Variants in ICA1 observed in about 807,000 individuals in gnomAD.
ICA1 encodes the protein 69 kDa islet cell autoantigen.
ICA1 carries 40 observed loss-of-function variants against 71.0 expected under a neutral mutation model. The ratio of observed to expected loss-of-function variants is 0.56; its 90% CI spans 0.44 to 0.73. The LOEUF (loss-of-function observed/expected upper bound fraction) is 0.73. Among genes scored for constraint, ICA1 ranks in the 30% least tolerant of loss-of-function variants. The probability of loss-of-function intolerance (pLI) is 0.00; values close to 1 mark genes in which losing one functional copy is unlikely to be tolerated. For synonymous variants in ICA1, 207 were observed against 209.5 expected (o/e 0.99, Z 0.10); for missense variants, 578 against 576.5 (o/e 1.00, Z -0.03).
chr7:8,152,520 A>C, intron 8 of ICA1, among the ~76,000 whole-genome samples: 2 of 144,016 alleles, frequency 1.4e-5, no homozygotes, highest in Non-Finnish European at 3.1e-5. Flanking sequence ...ACTACCACTC[A>C]CCTCTTTCAC....
rs1790035397 is a variant in ICA1, at chr7:8,128,140, A to G, written c.1063T>C (p.Cys355Arg). The G allele has an allele frequency of 6.2e-7, 1 of 1,613,794 alleles. No individual in the cohort carries two copies. The highest frequency in any genetic ancestry group is 1.3e-5 in the African/African-American group (1 of 75,070). The change falls in exon 13 of 14, where the codon TGC becomes CGC. Residue 355 changes from cysteine to arginine, a missense_variant and splice_region_variant. Coordinates refer to ENST00000402384, the MANE Select transcript of ICA1 (RefSeq NM_001136020.3). ...GGGGTCCCTGCCACTGGTCCCAGGC[A>G]AGCTGATTGAAGTAACAGAGAACAA... ...LLDMKSEEGACLGPVAGTPEP... is the reference protein window; with the variant it reads ...LLDMKSEEGARLGPVAGTPEP...
intron 8 of ICA1, among the ~76,000 whole-genome samples, chr7:8,145,416 C>T (rs1447680938): frequency 6.6e-6 from 1 of 152,068 alleles, no homozygotes; most frequent in South Asian, 2.1e-4. Context: ...CTAAAATGCT[C>T]TATTTGTTTA....
chr7:8,134,937 A>T lies in ICA1; in HGVS notation c.1060+3903T>A, dbSNP rs982054823. Among the ~76,000 whole-genome samples, 6 of 152,282 alleles carry T rather than the reference A, an allele frequency of 3.9e-5. No homozygotes were observed. In the East Asian group the frequency reaches 1.2e-3, roughly 29 times the overall value. On this transcript the variant is annotated intron_variant, in intron 12 of 13. Transcript: ENST00000402384. ...TCATGATCCCTAAGCTTGCTACTCC[A>T]TTTCACCAGTAGATGTTAGAAGACA...
At chr7:8,252,772 A>AT (rs1215673376) in intron 1 of ICA1, among the ~76,000 whole-genome samples, 2 of 151,330 alleles carry the variant, frequency 1.3e-5, no homozygotes, top group Non-Finnish European at 2.9e-5. Flanking sequence ...ATTTAATTAT[A>AT]TTTTTTGCTT....
At position 8,235,983 on chromosome 7, in the gene ICA1, G is replaced by T; in HGVS notation, c.-57C>A. ...GGGAGAAGGGGCAGGAAAAAAGCAT[G>T]AGAGGATAAGTTATATTATAACCTG... On this transcript the variant is annotated 5_prime_UTR_variant, in exon 2 of 14. Transcript: ENST00000402384. 6.5e-7 allele frequency: 1 copy of T among 1,546,686 alleles called. No individual in the cohort carries two copies. The highest frequency in any genetic ancestry group is 1.4e-5 in the African/African-American group (1 of 73,390).
intron 5 of ICA1, among the ~76,000 whole-genome samples, chr7:8,219,604 G>C (rs1327996210): frequency 1.3e-5 from 2 of 152,212 alleles, no homozygotes; most frequent in African/African-American, 2.4e-5. Context: ...TGCTCACACT[G>C]TCCTACCTAG....
intron 6 of ICA1, among the ~76,000 whole-genome samples, chr7:8,187,691 A>G (rs1784321311): frequency 6.6e-6 from 1 of 152,232 alleles, no homozygotes. Context: ...GCACAAACAC[A>G]TTGTACAACT....
At chr7:8,171,493 C>G (rs939589105) in intron 6 of ICA1, among the ~76,000 whole-genome samples, 29 of 151,938 alleles carry the variant, frequency 1.9e-4, no homozygotes, top group African/African-American at 6.7e-4. Context: ...CTCCTTAATT[C>G]TAAGTATTAA....
In ICA1 at chr7:8,123,777, C is replaced by T. The variant is rs1046570762; in HGVS notation, c.1330+4096G>A. ...GCTTCCTAAGAGAGGTCTGAAGAGC[C>T]CCACTGGGAAATCCCTTTTGCTCTC... On this transcript the variant is annotated intron_variant, in intron 13 of 13. Coordinates refer to ENST00000402384, the MANE Select transcript of ICA1 (RefSeq NM_001136020.3). This position sits in a 1 kb window ranked among gnomAD's most constrained non-coding sequence, Gnocchi z 4.1. Among the ~76,000 whole-genome samples, 1 of 152,134 alleles carries T rather than the reference C, an allele frequency of 6.6e-6. No homozygotes were observed. The highest frequency in any genetic ancestry group is 2.4e-5 in the African/African-American group (1 of 41,418).
At chr7:8,169,097 A>G (rs1252040148) in intron 6 of ICA1, among the ~76,000 whole-genome samples, 1 of 152,154 alleles carries the variant, frequency 6.6e-6, no homozygotes, top group Non-Finnish European at 1.5e-5. Context: ...TTTCATATAA[A>G]TAGAATTATG....
At chr7:8,242,810 T>A (rs1040796175) in intron 1 of ICA1, among the ~76,000 whole-genome samples, 33 of 152,010 alleles carry the variant, frequency 2.2e-4, no homozygotes, top group Admixed American at 1.9e-3. Context: ...AACTAGAAAA[T>A]CTAGAAGAAA....
chr7:8,218,242 C>G (rs1375221895), intron 6 of ICA1, 63 bp downstream of exon 6: 1 of 1,424,598 alleles, frequency 7.0e-7, no homozygotes, highest in South Asian at 1.2e-5. Flanking sequence ...CAGAGGGATT[C>G]AAATCACACC....
At chr7:8,160,297 T>C (rs569453806) in intron 6 of ICA1, among the ~76,000 whole-genome samples, 14 of 152,348 alleles carry the variant, frequency 9.2e-5, no homozygotes, top group African/African-American at 3.4e-4. Context: ...TAGGATGTTA[T>C]ATAATAATAA....
chr7:8,193,441 T>C lies in ICA1; in HGVS notation c.579+24864A>G, dbSNP rs1786379806. 3.3e-5 allele frequency among the ~76,000 whole-genome samples: 5 copies of C among 152,224 alleles called. No individual in the cohort carries two copies. The South Asian group carries it at 1.0e-3, about 32-fold the overall frequency. ...ACAACTTATCTGCTCAATCCTGGAA[T>C]GCACGAAGAATAGTTTCAGAACTGC... On this transcript the variant is annotated intron_variant, in intron 6 of 13. Coordinates refer to ENST00000402384, the MANE Select transcript of ICA1 (RefSeq NM_001136020.3).
chr7:8,255,877 C>G (rs1193547680), intron 1 of ICA1, among the ~76,000 whole-genome samples: 1 of 149,244 alleles, frequency 6.7e-6, no homozygotes, highest in African/African-American at 2.5e-5. Context: ...TGGGCTCAAG[C>G]AATCCTCTTA....
rs1554310916 is a variant in ICA1 at position 8,174,771 on chromosome 7, A to AAAAAAAAAACC, written c.580-16120_580-16119insGGTTTTTTTTT. 4.8e-3 allele frequency among the ~76,000 whole-genome samples: 511 copies of AAAAAAAAAACC among 105,916 alleles called. 6 individuals carry two copies. Among genetic ancestry groups the AAAAAAAAAACC allele is most frequent in the African/African-American group, 0.015 (474 of 32,002 alleles). The allele number at this position is 105,916 out of a possible 152,430, so 69.5% of individuals were successfully genotyped here. A position where few individuals can be genotyped will look rare whatever the true frequency, so the allele number is the denominator to read the frequency against. On this transcript the variant is annotated intron_variant, in intron 6 of 13. Coordinates refer to ENST00000402384, the MANE Select transcript of ICA1 (RefSeq NM_001136020.3). ...ACTGTATCTCAAAAAAAAAAAAAAAAAAAAAAAACAGAGAGAGAGACAAAT... is the reference window on the plus strand; with the variant it reads ...ACTGTATCTCAAAAAAAAAAAAAAAAAAAAAAAAACCAAAAAAAACAGAGAGAGAGACAAAT...
rs1791825519 is a variant in ICA1 at position 8,132,465 on chromosome 7, C to G, written c.1061-4323G>C. On this transcript the variant is annotated intron_variant, in intron 12 of 13. Transcript: ENST00000402384. This position sits in a 1 kb window ranked among gnomAD's most constrained non-coding sequence, Gnocchi z 4.5. ...TTGGCTCTACTCTTTTCTCAGCTGC[C>G]TGTAATTAAGTTCCTGCCCCCACCC... is the stretch of plus-strand genomic sequence containing the variant. Among the ~76,000 whole-genome samples, 1 of 152,182 alleles carries G rather than the reference C, an allele frequency of 6.6e-6. No individual in the cohort carries two copies. The highest frequency in any genetic ancestry group is 6.5e-5 in the Admixed American group (1 of 15,284).
In ICA1 at chr7:8,234,487, T is replaced by A. The variant is rs925057200; in HGVS notation, c.17+1423A>T. ...CACCCAAAATGTGCCAGGCTTGTGC[T>A]GAAACGTGAGTTTGTTTATATGACT... is the stretch of plus-strand genomic sequence containing the variant. On this transcript the variant is annotated intron_variant, in intron 2 of 13. Coordinates refer to ENST00000402384, the MANE Select transcript of ICA1 (RefSeq NM_001136020.3). This position sits in a 1 kb window ranked among gnomAD's most constrained non-coding sequence, Gnocchi z 4.5. 2.1e-5 allele frequency among the ~76,000 whole-genome samples: 3 copies of A among 145,030 alleles called. No homozygotes were observed. Among genetic ancestry groups the A allele is most frequent in the Non-Finnish European group, 4.6e-5 (3 of 64,978 alleles).
chr7:8,210,035 T>C (rs79919675), intron 6 of ICA1, among the ~76,000 whole-genome samples: 197 of 152,238 alleles, frequency 1.3e-3, no homozygotes, highest in African/African-American at 4.3e-3. Context: ...AACTTTGGAC[T>C]TGTCAATTGT....
Sources: gnomAD v4.1 joint callset for allele counts (sites outside exome capture counted in the v4.1 genomes callset) on GRCh38, gnomAD v4.1.1 for gene constraint, Gnocchi (gnomAD v3.1) non-coding constraint, MANE v1.5 for transcripts, NCBI Gene and HGNC (gene_info 2026-07-23, HGNC 2026-07-21) for gene names.